MARCHF6: variants seen among roughly 807,000 people sequenced by gnomAD.
MARCHF6 encodes E3 ubiquitin-protein ligase MARCHF6.
In MARCHF6, 31 loss-of-function variants were observed where a neutral mutation model predicts 133.7. The ratio of observed to expected loss-of-function variants is 0.23; its 90% CI spans 0.17 to 0.31. The LOEUF (loss-of-function observed/expected upper bound fraction) is 0.31. Ranked by LOEUF, MARCHF6 falls within the 10% of genes least tolerant of loss-of-function variation. The pLI is 1.00. For missense variants in MARCHF6, 723 were observed against 1,121.6 expected, an observed-to-expected ratio of 0.64 and a Z score of 5.08; for synonymous variants, 395 against 402.5, an observed-to-expected ratio of 0.98 and a Z score of 0.22.
chr5:10,356,249 ATAT>A (rs763514195), intron 1 of MARCHF6, among the ~76,000 whole-genome samples: 80 of 151,608 alleles, frequency 5.3e-4, no homozygotes, highest in Non-Finnish European at 1.0e-3. Context: ...TTGGTAGGAG[ATAT>A]TCAAAGTATG....
chr5:10,399,033 A>G (rs936986258), intron 10 of MARCHF6, among the ~76,000 whole-genome samples: 3 of 152,204 alleles, frequency 2.0e-5, no homozygotes, highest in East Asian at 1.9e-4. Context: ...GAAGGTGACA[A>G]TCCTGAGAAA....
At chr5:10,407,967 A>ACCC (rs1739008739) in intron 17 of MARCHF6, among the ~76,000 whole-genome samples, 4 of 122,000 alleles carry the variant, frequency 3.3e-5, no homozygotes, top group African/African-American at 1.3e-4. Context: ...CCCCCCCCCA[A>ACCC]AAAAAAAAGC....
chr5:10,428,898 G>A (rs1229138922), intron 24 of MARCHF6, among the ~76,000 whole-genome samples: 2 of 152,178 alleles, frequency 1.3e-5, no homozygotes, highest in African/African-American at 4.8e-5. Flanking sequence ...AGTGGCAAAT[G>A]AAAAATGTTG....
At chr5:10,380,858 C>T (rs991639314) in intron 3 of MARCHF6, among the ~76,000 whole-genome samples, 2 of 149,190 alleles carry the variant, frequency 1.3e-5, no homozygotes, top group Non-Finnish European at 1.5e-5. Context: ...ACCTGGGAGG[C>T]GGAGTTTGCA....
At chr5:10,378,467 C>T (rs1361214675) in intron 2 of MARCHF6, among the ~76,000 whole-genome samples, 1 of 152,176 alleles carries the variant, frequency 6.6e-6, no homozygotes, top group African/African-American at 2.4e-5. Context: ...AGGATTAAAA[C>T]TGATGTTGAT....
chr5:10,403,732 T>C (rs1738694974), intron 15 of MARCHF6, among the ~76,000 whole-genome samples, 191 bp downstream of exon 15: 2 of 152,224 alleles, frequency 1.3e-5, no homozygotes, highest in Non-Finnish European at 2.9e-5. Flanking sequence ...TTTGTCTCCA[T>C]AATTGGCAAG....
At chr5:10,377,528 A>C (rs771269986) in intron 1 of MARCHF6, among the ~76,000 whole-genome samples, 26 of 152,360 alleles carry the variant, frequency 1.7e-4, no homozygotes, top group Non-Finnish European at 3.4e-4. Flanking sequence ...GAATAAAACC[A>C]TCTGTTTCTC....
chr5:10,381,991 ACTT>A (rs748222988), intron 4 of MARCHF6, 48 bp downstream of exon 4: 1 of 1,522,290 alleles, frequency 6.6e-7, no homozygotes, highest in Admixed American at 1.8e-5. Context: ...TTGCATAACT[ACTT>A]AATATTATAA....
intron 22 of MARCHF6, among the ~76,000 whole-genome samples, chr5:10,418,539 T>C (rs1427176513): frequency 6.6e-6 from 1 of 152,210 alleles, no homozygotes; most frequent in Non-Finnish European, 1.5e-5. Flanking sequence ...TTAGTAGGTA[T>C]TGGGGGAAAA....
At chr5:10,384,070 G>C (rs1737324183) in intron 4 of MARCHF6, among the ~76,000 whole-genome samples, 1 of 152,134 alleles carries the variant, frequency 6.6e-6, no homozygotes. Flanking sequence ...GGTCTTTTCA[G>C]TAAATGGTAT....
intron 10 of MARCHF6, among the ~76,000 whole-genome samples, chr5:10,397,668 T>C (rs1165582279): frequency 6.6e-6 from 1 of 152,214 alleles, no homozygotes; most frequent in African/African-American, 2.4e-5. Context: ...TTGTGTGTGC[T>C]CTTCCCTATG....
intron 1 of MARCHF6, among the ~76,000 whole-genome samples, chr5:10,366,499 A>T (rs1318892705): frequency 6.6e-6 from 1 of 152,228 alleles, no homozygotes; most frequent in African/African-American, 2.4e-5. Context: ...ATTACTTGAG[A>T]CTGTCACTAT....
intron 14 of MARCHF6, among the ~76,000 whole-genome samples, chr5:10,403,144 T>C (rs1738648735): frequency 1.3e-5 from 2 of 152,154 alleles, no homozygotes; most frequent in South Asian, 2.1e-4. Context: ...ACCAAGAAAA[T>C]TTTTTACATT....
chr5:10,400,710 T>C lies in MARCHF6; in HGVS notation c.914-74T>C. On this transcript the variant is annotated intron_variant, in intron 10 of 25. Coordinates refer to ENST00000274140, the MANE Select transcript of MARCHF6 (RefSeq NM_005885.4). Reference sequence around the variant, plus strand: ...TTCTCCAAGAAGCCCTAGTTCCTTTTAGTGGGGAATTGTAGTAGGAGTGTT... The same window carrying C: ...TTCTCCAAGAAGCCCTAGTTCCTTTCAGTGGGGAATTGTAGTAGGAGTGTT... 6 of 1,073,448 alleles carry C rather than the reference T, an allele frequency of 5.6e-6. No homozygotes were observed. The South Asian group carries it at 7.6e-5, about 14-fold the overall frequency. The allele number at this position is 1,073,448 out of a possible 1,614,324, so 66.5% of individuals were successfully genotyped here. A position where few individuals can be genotyped will look rare whatever the true frequency, so the allele number is the denominator to read the frequency against.
intron 1 of MARCHF6, among the ~76,000 whole-genome samples, chr5:10,355,582 G>A (rs771047851): frequency 5.3e-5 from 8 of 152,168 alleles, no homozygotes; most frequent in Non-Finnish European, 1.0e-4. Context: ...TCAGGATAAG[G>A]TATACATAAC....
intron 21 of MARCHF6, among the ~76,000 whole-genome samples, chr5:10,416,945 C>CGGAA (rs1739547709): frequency 6.6e-6 from 1 of 152,218 alleles, no homozygotes; most frequent in Non-Finnish European, 1.5e-5. Flanking sequence ...GTATACCAGT[C>CGGAA]CACCTCAAAG....
intron 6 of MARCHF6, among the ~76,000 whole-genome samples, chr5:10,390,964 G>C (rs1737795873): frequency 6.6e-6 from 1 of 152,162 alleles, no homozygotes; most frequent in Non-Finnish European, 1.5e-5. Context: ...TTTGTGAACT[G>C]TTAATCCGCT....
At position 10,378,849 on chromosome 5, in the gene MARCHF6, T is replaced by C. The variant is rs767205702; in HGVS notation, c.190+17T>C. 1.3e-6 allele frequency: 2 copies of C among 1,567,560 alleles called. No individual in the cohort carries two copies. Among genetic ancestry groups the C allele is most frequent in the Non-Finnish European group, 1.8e-6 (2 of 1,141,090 alleles). The stretch of plus-strand genomic sequence containing the variant: ...TTACACCAAGTAAGTTCTTTAGACA[T>C]TTTCACTGCATTTTTTTTGGTTATC... On this transcript the variant is annotated intron_variant, in intron 3 of 25. Coordinates refer to ENST00000274140, the MANE Select transcript of MARCHF6 (RefSeq NM_005885.4).
intron 21 of MARCHF6, among the ~76,000 whole-genome samples, chr5:10,416,002 A>G (rs1739481356): frequency 6.6e-6 from 1 of 152,210 alleles, no homozygotes; most frequent in Admixed American, 6.5e-5. Context: ...GCAAGACCCC[A>G]TCTGTATTTT....
Sources: gnomAD v4.1 joint callset for allele counts (sites outside exome capture counted in the v4.1 genomes callset) on GRCh38, gnomAD v4.1.1 for gene constraint, MANE v1.5 for transcripts, NCBI Gene and HGNC (gene_info 2026-07-23, HGNC 2026-07-21) for gene names.